Variants in GRK5 observed in about 807,000 individuals in gnomAD.
GRK5 encodes the protein G protein-coupled receptor kinase 5.
Under a neutral mutation model 78.4 loss-of-function variants are expected in GRK5, and 40 were observed. The ratio of observed to expected loss-of-function variants is 0.51; its 90% CI spans 0.40 to 0.66. The LOEUF (loss-of-function observed/expected upper bound fraction) is 0.66, where lower values mean the gene tolerates loss of function less well. Ranked by LOEUF, GRK5 falls within the 30% of genes least tolerant of loss-of-function variation. The pLI is 0.00. For missense variants in GRK5, 598 were observed against 759.9 expected (o/e 0.79, Z 2.50); for synonymous variants, 289 against 296.8 (o/e 0.97, Z 0.27).
At chr10:119,433,189 G>T (rs1470556440) in intron 8 of GRK5, among the ~76,000 whole-genome samples, 1 of 152,226 alleles carries the variant, frequency 6.6e-6, no homozygotes, top group African/African-American at 2.4e-5. Context: ...TGTCGGGGGT[G>T]CAGGTGTGGG....
chr10:119,347,760 A>G (rs2133794232), intron 2 of GRK5, among the ~76,000 whole-genome samples: 1 of 152,372 alleles, frequency 6.6e-6, no homozygotes, highest in Non-Finnish European at 1.5e-5. Flanking sequence ...TTGCTGGACC[A>G]GTAGGCGTGT....
Position 119,430,258 on chromosome 10 carries a change from C to T in GRK5, c.534-117C>T, listed in dbSNP as rs560186002. The T allele has an allele frequency of 1.2e-5, 10 of 852,066 alleles. No individual in the cohort carries two copies. The highest frequency in any genetic ancestry group is 9.9e-5 in the South Asian group (7 of 71,054). 52.8% of individuals were successfully genotyped at this position (852,066 alleles called of 1,614,324 possible). ...GATGATTCCTGGGGGGTCCCTGGGGCTGCTGTGGGGCTCCTGGAATTATAC... is the reference window on the plus strand; with the variant it reads ...GATGATTCCTGGGGGGTCCCTGGGGTTGCTGTGGGGCTCCTGGAATTATAC... On this transcript the variant is annotated intron_variant, in intron 6 of 15. Transcript: ENST00000392870. This position sits in a 1 kb window ranked among gnomAD's most constrained non-coding sequence, Gnocchi z 4.5.
chr10:119,436,116 A>C (rs1201496654), intron 8 of GRK5, among the ~76,000 whole-genome samples: 1 of 152,240 alleles, frequency 6.6e-6, no homozygotes, highest in African/African-American at 2.4e-5. Flanking sequence ...AGTACAATTC[A>C]AGATGAGATT....
chr10:119,335,129 CCTCTCTCTCTCTCTCT>C (rs71016564), intron 2 of GRK5: 2 of 9,870 alleles, frequency 2.0e-4, no homozygotes, highest in African/African-American at 8.6e-4. Flanking sequence ...GCCTGCCTTG[CCTCTCTCTCTCTCTCT>C]CTCTCTCTCT....
chr10:119,318,213 C>T (rs1850524573), intron 1 of GRK5, among the ~76,000 whole-genome samples: 1 of 152,218 alleles, frequency 6.6e-6, no homozygotes, highest in African/African-American at 2.4e-5. Flanking sequence ...ACAGCAGAGC[C>T]CTGGTTCAGG....
In GRK5 at chr10:119,452,985, G is replaced by A. The variant is rs2133921280; in HGVS notation, c.1543-160G>A. Among the ~76,000 whole-genome samples, 1 of 152,272 alleles carries A rather than the reference G, an allele frequency of 6.6e-6. No homozygotes were observed. The highest frequency in any genetic ancestry group is 1.9e-4 in the East Asian group (1 of 5,180). ...CAAGTAGGGAGCTGTAGCCACCACG[G>A]GCCAGTCATTGACGGGGAGCCTCGC... On this transcript the variant is annotated intron_variant, in intron 14 of 15. Transcript: ENST00000392870. The surrounding 1 kb of genome is among the most constrained non-coding windows in gnomAD (Gnocchi z 4.4).
rs74157641 is a variant in GRK5, at chr10:119,253,868, G to C, written c.52+45899G>C. ...CAGGGGTGTGTGTGTGTGTGTGTGT[G>C]TGTGTACACATGTGTGTGCGTGCAT... On this transcript the variant is annotated intron_variant, in intron 1 of 15. Coordinates refer to ENST00000392870, the MANE Select transcript of GRK5 (RefSeq NM_005308.3). This position sits in a 1 kb window ranked among gnomAD's most constrained non-coding sequence, Gnocchi z 5.7. 0.092 allele frequency among the ~76,000 whole-genome samples: 13,893 copies of C among 151,682 alleles called. 702 individuals are homozygous for C. Among genetic ancestry groups the C allele is most frequent in the Admixed American group, 0.15 (2,225 of 15,254 alleles).
rs915905665 is a variant in GRK5, at chr10:119,253,877, C to T, written c.52+45908C>T. Reference sequence around the variant, plus strand: ...GTGTGTGTGTGTGTGTGTGTGTACACATGTGTGTGCGTGCATGCTTTTTCA... The same window carrying T: ...GTGTGTGTGTGTGTGTGTGTGTACATATGTGTGTGCGTGCATGCTTTTTCA... On this transcript the variant is annotated intron_variant, in intron 1 of 15. Transcript: ENST00000392870. The surrounding 1 kb of genome is among the most constrained non-coding windows in gnomAD (Gnocchi z 5.7). 6.6e-6 allele frequency among the ~76,000 whole-genome samples: 1 copy of T among 150,646 alleles called. No homozygotes were observed. Among genetic ancestry groups the T allele is most frequent in the Admixed American group, 6.6e-5 (1 of 15,144 alleles).
At chr10:119,352,405 C>T (rs1406009424) in intron 2 of GRK5, among the ~76,000 whole-genome samples, 1 of 152,214 alleles carries the variant, frequency 6.6e-6, no homozygotes, top group Non-Finnish European at 1.5e-5. Flanking sequence ...GTTATTCTTG[C>T]ATCTCATTGG....
At chr10:119,223,298 A>G (rs1400068417) in intron 1 of GRK5, among the ~76,000 whole-genome samples, 2 of 152,156 alleles carry the variant, frequency 1.3e-5, no homozygotes, top group Admixed American at 6.5e-5. Flanking sequence ...GATTACCTCC[A>G]TAAAGATCCT....
chr10:119,276,872 A>G (rs538924635), intron 1 of GRK5, among the ~76,000 whole-genome samples: 9 of 152,328 alleles, frequency 5.9e-5, no homozygotes, highest in African/African-American at 2.2e-4. Flanking sequence ...CTTCTCCTCT[A>G]GGGCTCTTGT....
chr10:119,292,928 A>G (rs1282126395), intron 1 of GRK5, among the ~76,000 whole-genome samples: 1 of 152,102 alleles, frequency 6.6e-6, no homozygotes, highest in Non-Finnish European at 1.5e-5. Flanking sequence ...TGGGAGGCCA[A>G]CTGCGTGTTG....
chr10:119,423,381 C>A, intron 5 of GRK5, 115 bp downstream of exon 5: 1 of 699,124 alleles, frequency 1.4e-6, no homozygotes. Flanking sequence ...CTGACAGCTT[C>A]AGCCAAGTTA....
At chr10:119,255,591 C>T (rs1353781844) in intron 1 of GRK5, among the ~76,000 whole-genome samples, 1 of 152,182 alleles carries the variant, frequency 6.6e-6, no homozygotes, top group Non-Finnish European at 1.5e-5. Flanking sequence ...CACTGAGACT[C>T]AGAGAGCTCT....
chr10:119,310,847 G>T (rs73445481), intron 1 of GRK5, among the ~76,000 whole-genome samples: 1 of 152,188 alleles, frequency 6.6e-6, no homozygotes, highest in African/African-American at 2.4e-5. Flanking sequence ...GGGAAACTGT[G>T]GTTCAGAGAG....
intron 1 of GRK5, among the ~76,000 whole-genome samples, chr10:119,255,014 G>A (rs2133758186): frequency 6.7e-6 from 1 of 149,592 alleles, no homozygotes; most frequent in South Asian, 2.2e-4. Flanking sequence ...ACTCCAGCCT[G>A]GGCGACAGAG....
At position 119,431,725 on chromosome 10, in the gene GRK5, T is replaced by C. The variant is rs569347181; in HGVS notation, c.738+198T>C. On this transcript the variant is annotated intron_variant, in intron 8 of 15. Transcript: ENST00000392870. This position sits in a 1 kb window ranked among gnomAD's most constrained non-coding sequence, Gnocchi z 4.8. ...CCATTGTGGTCGACTGTGGCTGGCT[T>C]TGTCCCATCCCCAGAGCCGGCCAGT... Among the ~76,000 whole-genome samples the C allele has an allele frequency of 1.3e-5, 2 of 152,342 alleles. No homozygotes were observed. The highest frequency in any genetic ancestry group is 4.1e-4 in the South Asian group (2 of 4,824).
At position 119,431,655 on chromosome 10, in the gene GRK5, C is replaced by A; in HGVS notation, c.738+128C>A. The A allele has an allele frequency of 8.9e-7, 1 of 1,120,558 alleles. No homozygotes were observed. Among genetic ancestry groups the A allele is most frequent in the Non-Finnish European group, 1.3e-6 (1 of 799,356 alleles). The allele number at this position is 1,120,558 out of a possible 1,614,324, so 69.4% of individuals were successfully genotyped here. ...CTGGGAAGGGGAATGCCAGTGGCAG[C>A]GCTGAGCTACAGAAAGGCCGCAAGA... is the stretch of plus-strand genomic sequence containing the variant. On this transcript the variant is annotated intron_variant, in intron 8 of 15. Coordinates refer to ENST00000392870, the MANE Select transcript of GRK5 (RefSeq NM_005308.3). This position sits in a 1 kb window ranked among gnomAD's most constrained non-coding sequence, Gnocchi z 4.8.
At chr10:119,226,627 C>T (rs1461397900) in intron 1 of GRK5, among the ~76,000 whole-genome samples, 6 of 150,798 alleles carry the variant, frequency 4.0e-5, no homozygotes, top group African/African-American at 1.5e-4. Context: ...TCACTGCAAT[C>T]TCTGCCTCCT....
Sources: gnomAD v4.1 joint callset for allele counts (sites outside exome capture counted in the v4.1 genomes callset) on GRCh38, gnomAD v4.1.1 for gene constraint, Gnocchi (gnomAD v3.1) non-coding constraint, MANE v1.5 for transcripts, NCBI Gene and HGNC (gene_info 2026-07-23, HGNC 2026-07-21) for gene names.